PIGF: variants seen among roughly 807,000 people sequenced by gnomAD.
The protein encoded by PIGF is phosphatidylinositol glycan anchor biosynthesis class F.
A neutral mutation model predicts 26.0 loss-of-function variants in PIGF; 23 were observed. The ratio of observed to expected loss-of-function variants is 0.88; its 90% CI spans 0.64 to 1.25. The LOEUF (loss-of-function observed/expected upper bound fraction) is 1.25. Ranked by LOEUF, PIGF falls within the 50% of genes most tolerant of loss-of-function variation. The pLI is 0.00. For synonymous variants in PIGF, 93 were observed against 92.6 expected (o/e 1.00, Z -0.03); for missense variants, 278 against 249.9 (o/e 1.11, Z -0.76).
In PIGF at chr2:46,599,242, A is replaced by G. The variant is rs550648316; in HGVS notation, c.438-6659T>C. ...TCACTTCTCCTCCCTGCACTGTTCA[A>G]CTTCCATTGCTTGTATTAGTTTTTA... On this transcript the variant is annotated intron_variant, in intron 4 of 5. Coordinates refer to ENST00000281382, the MANE Select transcript of PIGF (RefSeq NM_002643.4). Among the ~76,000 whole-genome samples the G allele has an allele frequency of 2.4e-4, 37 of 152,340 alleles. 2 individuals are homozygous for G. In the South Asian group the frequency reaches 7.2e-3, roughly 30 times the overall value.
intron 4 of PIGF, among the ~76,000 whole-genome samples, chr2:46,595,158 A>G (rs1040144151): frequency 3.3e-5 from 5 of 152,148 alleles, no homozygotes; most frequent in Non-Finnish European, 7.4e-5. Flanking sequence ...CAAGTATACA[A>G]ATCAATGGTT....
At chr2:46,604,659 A>C (rs896817726) in intron 4 of PIGF, among the ~76,000 whole-genome samples, 4 of 151,964 alleles carry the variant, frequency 2.6e-5, no homozygotes, top group Admixed American at 2.6e-4. Context: ...AGTTAAAAAA[A>C]CAATTGAACT....
intron 4 of PIGF, among the ~76,000 whole-genome samples, chr2:46,602,455 T>G (rs1410491414): frequency 6.6e-6 from 1 of 151,874 alleles, no homozygotes; most frequent in East Asian, 1.9e-4. Flanking sequence ...CTTAAAAATA[T>G]TATACAACAT....
chr2:46,606,500 C>T (rs926877900), intron 4 of PIGF, among the ~76,000 whole-genome samples: 4 of 152,072 alleles, frequency 2.6e-5, no homozygotes, highest in African/African-American at 9.7e-5. Context: ...TATCCTAACC[C>T]TATCCCTTAT....
At chr2:46,594,149 A>C (rs1481169709) in intron 4 of PIGF, among the ~76,000 whole-genome samples, 3 of 152,254 alleles carry the variant, frequency 2.0e-5, no homozygotes. Flanking sequence ...AAAACTGGCC[A>C]AGTTCAATGT....
In PIGF at chr2:46,588,326, C is replaced by A. The variant is rs775383701; in HGVS notation, c.546+4149G>T. Reference sequence around the variant, plus strand: ...GAAAAAATAAAACAACAAACTGAGACAATTAACATATTCTCTAATATATGA... The same window carrying A: ...GAAAAAATAAAACAACAAACTGAGAAAATTAACATATTCTCTAATATATGA... On this transcript the variant is annotated intron_variant, in intron 5 of 5. Transcript: ENST00000281382. This position sits in a 1 kb window ranked among gnomAD's most constrained non-coding sequence, Gnocchi z 4.1. 56 of 1,028,868 alleles carry A rather than the reference C, an allele frequency of 5.4e-5. No homozygotes were observed. The highest frequency in any genetic ancestry group is 7.3e-5 in the Non-Finnish European group (53 of 729,952). The allele number at this position is 1,028,868 out of a possible 1,614,324, so 63.7% of individuals were successfully genotyped here. A position where few individuals can be genotyped will look rare whatever the true frequency, so the allele number is the denominator to read the frequency against.
chr2:46,610,940 C>T (rs2104136143), intron 4 of PIGF, among the ~76,000 whole-genome samples: 1 of 152,240 alleles, frequency 6.6e-6, no homozygotes, highest in South Asian at 2.1e-4. Flanking sequence ...CACAAAAATA[C>T]CCTGTTCATT....
chr2:46,601,965 C>A (rs947109999), intron 4 of PIGF, among the ~76,000 whole-genome samples: 4 of 151,670 alleles, frequency 2.6e-5, no homozygotes, highest in Admixed American at 1.3e-4. Flanking sequence ...TGTCAAAAAA[C>A]AAGTTTCAAT....
chr2:46,584,084 A>G (rs554512061), intron 5 of PIGF, among the ~76,000 whole-genome samples: 4 of 152,156 alleles, frequency 2.6e-5, no homozygotes, highest in Non-Finnish European at 5.9e-5. Flanking sequence ...GACTTTAGAC[A>G]CTGTTTCCAT....
In PIGF at chr2:46,592,522, A is replaced by C; in HGVS notation, c.499T>G (p.Trp167Gly). Residue 167 changes from tryptophan to glycine, a missense_variant, in exon 5 of 6, where the codon TGG becomes GGG. Coordinates refer to ENST00000281382, the MANE Select transcript of PIGF (RefSeq NM_002643.4). ...AGTGGAATAGGAAGTGCTCCAAGCCATGCTCCTACAAAGCTAGAAATTGTA... is the reference window on the plus strand; with the variant it reads ...AGTGGAATAGGAAGTGCTCCAAGCCCTGCTCCTACAAAGCTAGAAATTGTA... ...ITTISSFVGA[W>G]LGALPIPLDW... 1 of 1,611,696 alleles carries C rather than the reference A, an allele frequency of 6.2e-7. No homozygotes were observed. Among genetic ancestry groups the C allele is most frequent in the South Asian group, 1.1e-5 (1 of 91,028 alleles).
Position 46,588,239 on chromosome 2 carries a change from C to T in PIGF, c.546+4236G>A. ...ATCCAAATACCCTAAATTGGCATAA[C>T]TAAATACCAGAGAAATAGATAAATT... On this transcript the variant is annotated intron_variant, in intron 5 of 5. Coordinates refer to ENST00000281382, the MANE Select transcript of PIGF (RefSeq NM_002643.4). The surrounding 1 kb of genome is among the most constrained non-coding windows in gnomAD (Gnocchi z 4.1). The T allele has an allele frequency of 6.3e-7, 1 of 1,592,788 alleles. No homozygotes were observed. Among genetic ancestry groups the T allele is most frequent in the Non-Finnish European group, 8.5e-7 (1 of 1,171,414 alleles).
rs1404404206 is a variant in PIGF at position 46,592,594 on chromosome 2, C to T, written c.438-11G>A. 3.7e-6 allele frequency: 5 copies of T among 1,355,600 alleles called. No individual in the cohort carries two copies. The highest frequency in any genetic ancestry group is 1.4e-5 in the African/African-American group (1 of 69,936). The allele number at this position is 1,355,600 out of a possible 1,614,324, so 84.0% of individuals were successfully genotyped here. ...CATATGGATGTAACTCTGTGAAACA[C>T]AAATTGGTACATCGTTGGTGGTATA... On this transcript the variant is annotated splice_polypyrimidine_tract_variant and intron_variant, in intron 4 of 5. Transcript: ENST00000281382.
intron 5 of PIGF, among the ~76,000 whole-genome samples, chr2:46,586,640 TTTTGTTAA>T (rs988744153): frequency 1.3e-5 from 2 of 152,208 alleles, no homozygotes; most frequent in African/African-American, 4.8e-5. Flanking sequence ...AATATGTTTG[TTTTGTTAA>T]TTGTGCTTAT....
intron 4 of PIGF, among the ~76,000 whole-genome samples, chr2:46,611,433 G>A (rs555910391): frequency 8.1e-5 from 12 of 148,580 alleles, no homozygotes; most frequent in African/African-American, 1.5e-4. Flanking sequence ...GCAGTGAGCC[G>A]AAATCATGCC....
At chr2:46,606,387 C>T (rs1276081168) in intron 4 of PIGF, among the ~76,000 whole-genome samples, 1 of 152,132 alleles carries the variant, frequency 6.6e-6, no homozygotes, top group Admixed American at 6.5e-5. Context: ...TGCTTTTTTC[C>T]ACTAACTTAT....
intron 4 of PIGF, among the ~76,000 whole-genome samples, chr2:46,603,205 T>C (rs1670113557): frequency 6.6e-6 from 1 of 151,840 alleles, no homozygotes; most frequent in South Asian, 2.1e-4. Context: ...ATGAAAGAAA[T>C]TGAAGAGGAC....
In PIGF at chr2:46,581,034, T is replaced by G. The variant is rs1001335304; in HGVS notation, c.*444A>C. ...ATTTTAACTCCAAAGAAACACACTG[T>G]AAAAAAAAGAATAGGATCAAGATGT... is the stretch of plus-strand genomic sequence containing the variant. On this transcript the variant is annotated 3_prime_UTR_variant, in exon 6 of 6. Transcript: ENST00000281382. 1.9e-6 allele frequency: 3 copies of G among 1,584,224 alleles called. No homozygotes were observed. Among genetic ancestry groups the G allele is most frequent in the Non-Finnish European group, 2.6e-6 (3 of 1,169,072 alleles).
Position 46,587,241 on chromosome 2 carries a change from G to A in PIGF, c.546+5234C>T, listed in dbSNP as rs374150912. Among the ~76,000 whole-genome samples, 36 of 152,096 alleles carry A rather than the reference G, an allele frequency of 2.4e-4. 1 individual carries two copies. In the East Asian group the frequency reaches 2.5e-3, roughly 11 times the overall value. On this transcript the variant is annotated intron_variant, in intron 5 of 5. Transcript: ENST00000281382. ...TTTGGTAATGGAAATACCAATTAAC[G>A]TAAAAACCTGCAGCTCTTCAATCAA...
rs1670445433 is a variant in PIGF at position 46,612,296 on chromosome 2, A to G, written c.369T>C (p.Thr123=). 1.3e-6 allele frequency: 2 copies of G among 1,492,022 alleles called. No individual in the cohort carries two copies. Among genetic ancestry groups the G allele is most frequent in the East Asian group, 5.1e-5 (2 of 39,594 alleles). 92.4% of individuals were successfully genotyped at this position (1,492,022 alleles called of 1,614,324 possible). ...CTAACAAACATAAGCAAGGCACAGT[A>G]GTAAAAGTAGACAAAATAACTGCAA... ...FLFAVILSTF[T]TVPCLCLLGP... Residue 123 remains threonine (T), a synonymous_variant, in exon 4 of 6, where the codon ACT becomes ACC. Coordinates refer to ENST00000281382, the MANE Select transcript of PIGF (RefSeq NM_002643.4).
Sources: allele counts gnomAD v4.1 joint callset (sites outside exome capture counted in the v4.1 genomes callset), GRCh38; gene constraint gnomAD v4.1.1; non-coding constraint Gnocchi (gnomAD v3.1); transcripts MANE v1.5; gene names NCBI Gene and HGNC (gene_info 2026-07-23, HGNC 2026-07-21).